The following CADPS2 variants were observed in gnomAD, a reference collection of about 807,000 sequenced individuals.
CADPS2 encodes the protein calcium-dependent secretion activator 2.
In CADPS2, 93 loss-of-function variants were observed where a neutral mutation model predicts 172.5. That is an observed-to-expected ratio of 0.54 (90% CI 0.46 to 0.64). CADPS2 has a LOEUF of 0.64. Ranked by LOEUF, CADPS2 falls within the 30% of genes least tolerant of loss-of-function variation. The probability of loss-of-function intolerance (pLI) is 0.00; values close to 1 mark genes in which losing one functional copy is unlikely to be tolerated. For missense variants in CADPS2, 1,420 were observed against 1,565.9 expected, an observed-to-expected ratio of 0.91 and a Z score of 1.57; for synonymous variants, 546 against 555.2, an observed-to-expected ratio of 0.98 and a Z score of 0.23.
intron 17 of CADPS2, among the ~76,000 whole-genome samples, chr7:122,423,544 C>T (rs1056977558): frequency 2.6e-5 from 4 of 152,146 alleles, no homozygotes; most frequent in Non-Finnish European, 4.4e-5. Flanking sequence ...TCTGTGACAT[C>T]GCTAAGATGT....
intron 6 of CADPS2, among the ~76,000 whole-genome samples, chr7:122,597,612 AT>A (rs1397475144): frequency 2.0e-5 from 3 of 152,162 alleles, no homozygotes; most frequent in Non-Finnish European, 2.9e-5. Context: ...ATCTCTTATC[AT>A]TTTTTTATTC....
At chr7:122,395,031 A>C (rs1306552951) in intron 20 of CADPS2, among the ~76,000 whole-genome samples, 2 of 152,216 alleles carry the variant, frequency 1.3e-5, no homozygotes, top group African/African-American at 2.4e-5. Flanking sequence ...ACTAAATCTA[A>C]TTACTAGCAA....
chr7:122,325,841 G>C (rs186107834), intron 28 of CADPS2, among the ~76,000 whole-genome samples: 104 of 152,144 alleles, frequency 6.8e-4, no homozygotes, highest in African/African-American at 2.3e-3. Context: ...CACGGAAACA[G>C]TGTTTTTGCA....
At chr7:122,355,747 G>A (rs1213512636) in intron 27 of CADPS2, among the ~76,000 whole-genome samples, 1 of 152,072 alleles carries the variant, frequency 6.6e-6, no homozygotes, top group African/African-American at 2.4e-5. Context: ...CATGGTGACA[G>A]AACATTACAG....
intron 24 of CADPS2, 142 bp downstream of exon 24, chr7:122,386,884 C>G: frequency 1.3e-6 from 1 of 777,762 alleles, no homozygotes; most frequent in Non-Finnish European, 2.0e-6. Flanking sequence ...AAAGGGCATT[C>G]TGTTATTATA....
chr7:122,704,569 T>C (rs746641335), intron 2 of CADPS2, among the ~76,000 whole-genome samples: 1 of 152,136 alleles, frequency 6.6e-6, no homozygotes, highest in African/African-American at 2.4e-5. Flanking sequence ...AACCTGTAAC[T>C]ATATTTTGCT....
intron 3 of CADPS2, among the ~76,000 whole-genome samples, chr7:122,642,381 C>G (rs1444152970): frequency 2.0e-5 from 3 of 152,098 alleles, no homozygotes; most frequent in Non-Finnish European, 4.4e-5. Context: ...AGTCACTCTC[C>G]TGTTGCATGG....
At chr7:122,745,500 C>A (rs1371854671) in intron 1 of CADPS2, among the ~76,000 whole-genome samples, 2 of 151,578 alleles carry the variant, frequency 1.3e-5, no homozygotes, top group Non-Finnish European at 2.9e-5. Context: ...AGGTGTTTAT[C>A]CCTACGCAAT....
At chr7:122,640,799 C>T (rs947845936) in intron 3 of CADPS2, among the ~76,000 whole-genome samples, 5 of 151,700 alleles carry the variant, frequency 3.3e-5, no homozygotes, top group Non-Finnish European at 7.4e-5. Flanking sequence ...CCGGACTTGG[C>T]GGCGGGCGCC....
At chr7:122,551,763 A>G (rs2064333638) in intron 8 of CADPS2, among the ~76,000 whole-genome samples, 1 of 152,098 alleles carries the variant, frequency 6.6e-6, no homozygotes, top group African/African-American at 2.4e-5. Context: ...CCATCTGTTA[A>G]TTATTGATTA....
At chr7:122,614,750 T>C (rs1047151524) in intron 6 of CADPS2, among the ~76,000 whole-genome samples, 51 of 152,170 alleles carry the variant, frequency 3.4e-4, no homozygotes, top group Non-Finnish European at 3.5e-4. Context: ...TCACTAAGTA[T>C]TCCAAGTCAT....
At chr7:122,862,835 AAAT>A (rs1817309312) in intron 1 of CADPS2, among the ~76,000 whole-genome samples, 1 of 152,210 alleles carries the variant, frequency 6.6e-6, no homozygotes, top group South Asian at 2.1e-4. Flanking sequence ...ACTGGAATAG[AAAT>A]AATAAAATAA....
At chr7:122,592,025 G>T (rs932417042) in intron 6 of CADPS2, among the ~76,000 whole-genome samples, 5 of 152,030 alleles carry the variant, frequency 3.3e-5, no homozygotes, top group African/African-American at 4.8e-5. Flanking sequence ...CACAGCAAAA[G>T]AAACTACCAT....
chr7:122,836,236 T>C (rs1479033044), intron 1 of CADPS2, among the ~76,000 whole-genome samples: 4 of 151,876 alleles, frequency 2.6e-5, no homozygotes, highest in Non-Finnish European at 5.9e-5. Context: ...TGATAAGAGA[T>C]TTTGTCACCA....
At chr7:122,702,234 CAT>C in intron 2 of CADPS2, 3 of 1,613,882 alleles carry the variant, frequency 1.9e-6, no homozygotes, top group Non-Finnish European at 2.5e-6. Flanking sequence ...ATGACTGTCA[CAT>C]AGACTCCTTT....
intron 1 of CADPS2, among the ~76,000 whole-genome samples, chr7:122,753,508 G>A (rs1462536179): frequency 6.6e-6 from 1 of 152,084 alleles, no homozygotes; most frequent in Admixed American, 6.6e-5. Flanking sequence ...TACAGTGATG[G>A]GGGAGACAAA....
intron 2 of CADPS2, among the ~76,000 whole-genome samples, chr7:122,690,790 C>T (rs1330637822): frequency 6.6e-6 from 1 of 152,188 alleles, no homozygotes; most frequent in African/African-American, 2.4e-5. Flanking sequence ...TGGTGATCAC[C>T]ATCCACATTG....
chr7:122,551,488 T>G (rs2064287394), intron 8 of CADPS2, among the ~76,000 whole-genome samples: 1 of 152,010 alleles, frequency 6.6e-6, no homozygotes, highest in South Asian at 2.1e-4. Flanking sequence ...CATAGATAAG[T>G]GATAAATGAA....
intron 28 of CADPS2, among the ~76,000 whole-genome samples, chr7:122,345,326 C>T (rs775986314): frequency 1.3e-5 from 2 of 151,988 alleles, no homozygotes; most frequent in Non-Finnish European, 2.9e-5. Flanking sequence ...TTAGTAGAGA[C>T]GGGGTTTCGC....
Sources: allele counts gnomAD v4.1 joint callset (sites outside exome capture counted in the v4.1 genomes callset), GRCh38; gene constraint gnomAD v4.1.1; transcripts MANE v1.5; gene names NCBI Gene and HGNC (gene_info 2026-07-23, HGNC 2026-07-21).